The following ARHGAP22 variants were observed in gnomAD, a reference collection of about 807,000 sequenced individuals.
The protein encoded by ARHGAP22 is Rho GTPase activating protein 22.
In ARHGAP22, 48 loss-of-function variants were observed where a neutral mutation model predicts 59.1. The ratio of observed to expected loss-of-function variants is 0.81; its 90% CI spans 0.64 to 1.03. ARHGAP22 has a LOEUF of 1.03. ARHGAP22 is among the 50% of genes least tolerant of loss of function. The pLI, the probability that ARHGAP22 is intolerant of heterozygous loss-of-function variation, is 0.00. For synonymous variants in ARHGAP22, 445 were observed against 416.4 expected, an observed-to-expected ratio of 1.07 and a Z score of -0.84; for missense variants, 1,015 against 958.7, an observed-to-expected ratio of 1.06 and a Z score of -0.78.
intron 1 of ARHGAP22, among the ~76,000 whole-genome samples, chr10:48,589,981 C>T (rs2059652302): frequency 6.6e-6 from 1 of 152,118 alleles, no homozygotes; most frequent in Non-Finnish European, 1.5e-5. Flanking sequence ...CTCCACACTG[C>T]ACCCCACGGG....
chr10:48,493,567 G>A (rs1159929737), intron 3 of ARHGAP22: 10 of 1,514,508 alleles, frequency 6.6e-6, no homozygotes, highest in Admixed American at 6.0e-5. Context: ...ACCACCAGGT[G>A]CACGAGGCAC....
intron 6 of ARHGAP22, among the ~76,000 whole-genome samples, chr10:48,454,507 C>T (rs931721787): frequency 3.3e-5 from 5 of 152,198 alleles, no homozygotes; most frequent in African/African-American, 1.2e-4. Flanking sequence ...GCAAACAGTC[C>T]TTCCCTGGCC....
intron 3 of ARHGAP22, among the ~76,000 whole-genome samples, chr10:48,500,289 T>C (rs2051370023): frequency 6.6e-6 from 1 of 151,948 alleles, no homozygotes; most frequent in South Asian, 2.1e-4. Flanking sequence ...GAAGCTGAAA[T>C]AAGCTGTGAT....
intron 4 of ARHGAP22, among the ~76,000 whole-genome samples, chr10:48,461,511 C>A (rs1178004927): frequency 6.6e-6 from 1 of 152,136 alleles, no homozygotes; most frequent in African/African-American, 2.4e-5. Context: ...TAAAACAATA[C>A]ATGACAAGAC....
chr10:48,466,684 T>A (rs1191951486), intron 4 of ARHGAP22: 1 of 52 alleles, frequency 0.019, no homozygotes, highest in Non-Finnish European at 0.042. Context: ...GGCGCGCCTA[T>A]CGCGGCGGCG....
At chr10:48,555,640 A>T in intron 2 of ARHGAP22, 90 bp from the exon 3 acceptor site, 1 of 1,300,200 alleles carries the variant, frequency 7.7e-7, no homozygotes, top group Non-Finnish European at 1.1e-6. Context: ...AGAGGTTAGG[A>T]CCTGGGGCCC....
intron 3 of ARHGAP22, among the ~76,000 whole-genome samples, chr10:48,548,911 G>T (rs931284927): frequency 3.3e-5 from 5 of 152,238 alleles, no homozygotes; most frequent in Non-Finnish European, 5.9e-5. Context: ...GAAGAGCAGG[G>T]CTCTGGGGTT....
At chr10:48,457,062 G>C (rs903570209) in intron 5 of ARHGAP22, among the ~76,000 whole-genome samples, 9 of 152,074 alleles carry the variant, frequency 5.9e-5, no homozygotes, top group African/African-American at 1.7e-4. Flanking sequence ...AGCTGGTCAG[G>C]GGACGAGGTG....
intron 1 of ARHGAP22, among the ~76,000 whole-genome samples, chr10:48,612,260 T>A (rs2060924844): frequency 6.6e-6 from 1 of 152,194 alleles, no homozygotes; most frequent in Non-Finnish European, 1.5e-5. Flanking sequence ...CCTCATCTGT[T>A]ATAGTGGAAT....
At chr10:48,470,613 A>G (rs988339761) in intron 4 of ARHGAP22, among the ~76,000 whole-genome samples, 1 of 152,198 alleles carries the variant, frequency 6.6e-6, no homozygotes, top group African/African-American at 2.4e-5. Flanking sequence ...CATCTTCTCC[A>G]CTTGAGTACA....
intron 2 of ARHGAP22, among the ~76,000 whole-genome samples, chr10:48,562,189 G>A (rs2057731830): frequency 6.6e-6 from 1 of 150,558 alleles, no homozygotes; most frequent in Non-Finnish European, 1.5e-5. Context: ...TCGAGCCACT[G>A]CACTCCAGCC....
intron 3 of ARHGAP22, among the ~76,000 whole-genome samples, chr10:48,482,900 G>A (rs543974928): frequency 1.3e-5 from 2 of 152,022 alleles, no homozygotes; most frequent in East Asian, 1.9e-4. Flanking sequence ...CTCTATGTGT[G>A]TACCCATTAA....
chr10:48,652,121 G>A (rs1029242844), intron 1 of ARHGAP22: 60 of 1,007,104 alleles, frequency 6.0e-5, no homozygotes, highest in Middle Eastern at 2.6e-4. Context: ...CACAGATGCC[G>A]CCTGGTGCTC....
downstream of ARHGAP22, among the ~76,000 whole-genome samples, chr10:48,442,079 A>G (rs552575361): frequency 3.9e-5 from 6 of 152,324 alleles, no homozygotes; most frequent in African/African-American, 1.4e-4. Context: ...TGCAACATTC[A>G]TGGCCCTCAA....
chr10:48,635,590 C>A (rs77377624), intron 1 of ARHGAP22, among the ~76,000 whole-genome samples: 3 of 152,190 alleles, frequency 2.0e-5, no homozygotes, highest in Non-Finnish European at 4.4e-5. Context: ...GAAAGGGGGC[C>A]GGGTAACCCC....
At chr10:48,515,221 T>C (rs2053172642) in intron 3 of ARHGAP22, among the ~76,000 whole-genome samples, 2 of 152,078 alleles carry the variant, frequency 1.3e-5, no homozygotes, top group Admixed American at 1.3e-4. Context: ...CACAAGTAGG[T>C]TGAAAGTAAA....
chr10:48,548,158 C>T (rs995563198), intron 3 of ARHGAP22, among the ~76,000 whole-genome samples: 25 of 152,208 alleles, frequency 1.6e-4, no homozygotes, highest in African/African-American at 6.0e-4. Context: ...ACCTTCCCAG[C>T]ACAGAGTACC....
chr10:48,438,888 A>T, the ARHGAP22 span: 1 of 152,246 alleles, frequency 6.6e-6, no homozygotes, highest in Non-Finnish European at 1.5e-5. Flanking sequence ...TTTACATTTT[A>T]CAAAAGGAGT....
rs753422587 is a variant in ARHGAP22 at position 48,451,289 on chromosome 10, G to T, written c.989-149C>A. On this transcript the variant is annotated intron_variant, in intron 8 of 9. Coordinates refer to ENST00000249601, the MANE Select transcript of ARHGAP22 (RefSeq NM_021226.4). ...TCAAGGGAGCCTTCATCCGCCCAGA[G>T]GAAAGGACCACACACCCTCCAACTC... 29 of 1,091,590 alleles carry T rather than the reference G, an allele frequency of 2.7e-5. 2 individuals are homozygous for T. The South Asian group carries it at 3.7e-4, about 14-fold the overall frequency. The allele number at this position is 1,091,590 out of a possible 1,614,324, so 67.6% of individuals were successfully genotyped here. A position where few individuals can be genotyped will look rare whatever the true frequency, so the allele number is the denominator to read the frequency against.
Sources: gnomAD v4.1 joint callset for allele counts (sites outside exome capture counted in the v4.1 genomes callset) on GRCh38, gnomAD v4.1.1 for gene constraint, MANE v1.5 for transcripts, NCBI Gene and HGNC (gene_info 2026-07-23, HGNC 2026-07-21) for gene names.